PLXDC2: variants seen among roughly 807,000 people sequenced by gnomAD.
PLXDC2 encodes the protein plexin domain containing 2.
A neutral mutation model predicts 68.9 loss-of-function variants in PLXDC2; 40 were observed. The ratio of observed to expected loss-of-function variants is 0.58; its 90% CI spans 0.45 to 0.76. The LOEUF (loss-of-function observed/expected upper bound fraction) is 0.76, where lower values mean the gene tolerates loss of function less well. Ranked by LOEUF, PLXDC2 falls within the 30% of genes least tolerant of loss-of-function variation. PLXDC2 has a pLI of 0.00. For missense variants in PLXDC2, 644 were observed against 661.9 expected (o/e 0.97, Z 0.30); for synonymous variants, 243 against 234.2 (o/e 1.04, Z -0.34).
At chr10:20,205,942 CCTAT>C (rs143930522) in intron 9 of PLXDC2, among the ~76,000 whole-genome samples, 4,787 of 151,860 alleles carry the variant, frequency 0.032, 90 homozygotes, top group Middle Eastern at 0.072. Flanking sequence ...TTTTGCTGTA[CCTAT>C]CTATTATATA....
At chr10:20,172,279 T>C (rs544612298) in intron 7 of PLXDC2, among the ~76,000 whole-genome samples, 58 of 126,018 alleles carry the variant, frequency 4.6e-4, no homozygotes, top group South Asian at 1.1e-3. Context: ...ACTTGGCAAA[T>C]ATATATCATG....
In PLXDC2 at chr10:19,928,537, G is replaced by C. The variant is rs149779211; in HGVS notation, c.113-73238G>C. Among the ~76,000 whole-genome samples, 10 of 152,210 alleles carry C rather than the reference G, an allele frequency of 6.6e-5. No homozygotes were observed. In the East Asian group the frequency reaches 1.9e-3, roughly 29 times the overall value. On this transcript the variant is annotated intron_variant, in intron 1 of 13. Coordinates refer to ENST00000377252, the MANE Select transcript of PLXDC2 (RefSeq NM_032812.9). ...GGTAAGTAAGCAGAATAAATTAAGA[G>C]ACCTATATCCTTTTAATAATATGGG... is the stretch of plus-strand genomic sequence containing the variant.
chr10:20,163,539 C>T (rs1342669800), intron 6 of PLXDC2, among the ~76,000 whole-genome samples: 1 of 151,988 alleles, frequency 6.6e-6, no homozygotes, highest in Non-Finnish European at 1.5e-5. Context: ...TAATGAATTG[C>T]CCACAGATCA....
At chr10:20,226,448 T>C (rs1835288883) in intron 12 of PLXDC2, among the ~76,000 whole-genome samples, 1 of 152,170 alleles carries the variant, frequency 6.6e-6, no homozygotes, top group African/African-American at 2.4e-5. Flanking sequence ...TTGGTAAAGG[T>C]AGTTAGTTAC....
At chr10:20,053,079 T>C (rs1040005014) in intron 3 of PLXDC2, among the ~76,000 whole-genome samples, 2 of 152,160 alleles carry the variant, frequency 1.3e-5, no homozygotes, top group South Asian at 2.1e-4. Context: ...CCATCCACAA[T>C]AATATCTTCT....
intron 3 of PLXDC2, among the ~76,000 whole-genome samples, chr10:20,049,459 C>A (rs1178844971): frequency 6.6e-6 from 1 of 151,994 alleles, no homozygotes; most frequent in African/African-American, 2.4e-5. Flanking sequence ...ATCTAGAGAA[C>A]CCCATAGTCT....
chr10:20,000,063 A>G (rs1831075303), intron 1 of PLXDC2, among the ~76,000 whole-genome samples: 1 of 152,166 alleles, frequency 6.6e-6, no homozygotes, highest in African/African-American at 2.4e-5. Context: ...TTGCTCCAGA[A>G]AGACTGTCAA....
intron 1 of PLXDC2, among the ~76,000 whole-genome samples, chr10:19,937,853 C>A (rs530002627): frequency 6.6e-6 from 1 of 152,128 alleles, no homozygotes; most frequent in Non-Finnish European, 1.5e-5. Context: ...AACGTCCAGT[C>A]CTTGGTCACT....
rs554886669 is a variant in PLXDC2, at chr10:20,168,774, AG to A, written c.883+4208del. Among the ~76,000 whole-genome samples the A allele has an allele frequency of 5.9e-5, 9 of 152,316 alleles. No homozygotes were observed. The South Asian group carries it at 1.9e-3, about 32-fold the overall frequency. On this transcript the variant is annotated intron_variant, in intron 7 of 13. Transcript: ENST00000377252. ...ATATACTTATTATGATTAGAAGCATAGCACATTATAATTCTGAGTAATTTAT... is the reference window on the plus strand; with the variant it reads ...ATATACTTATTATGATTAGAAGCATACACATTATAATTCTGAGTAATTTAT...
rs190328923 is a variant in PLXDC2, at chr10:20,136,615, G to T, written c.542-6680G>T. Among the ~76,000 whole-genome samples the T allele has an allele frequency of 1.4e-4, 21 of 152,160 alleles. No homozygotes were observed. In the East Asian group the frequency reaches 3.9e-3, roughly 28 times the overall value. ...AGGAGGTGGGTCTTCAAATCCTTAT[G>T]GATAAAAGATCATAAATTTCAGATC... On this transcript the variant is annotated intron_variant, in intron 4 of 13. Transcript: ENST00000377252.
intron 1 of PLXDC2, among the ~76,000 whole-genome samples, chr10:19,977,399 A>G (rs1329414700): frequency 1.3e-5 from 2 of 152,186 alleles, no homozygotes; most frequent in Non-Finnish European, 2.9e-5. Flanking sequence ...ACAATCTTCT[A>G]TCCATCTGCT....
At chr10:20,219,664 A>G (rs1835184804) in intron 12 of PLXDC2, among the ~76,000 whole-genome samples, 1 of 152,172 alleles carries the variant, frequency 6.6e-6, no homozygotes, top group African/African-American at 2.4e-5. Context: ...GTTTTACTGA[A>G]AAAATATTGT....
At chr10:19,985,670 G>C (rs527543656) in intron 1 of PLXDC2, among the ~76,000 whole-genome samples, 1 of 152,230 alleles carries the variant, frequency 6.6e-6, no homozygotes, top group African/African-American at 2.4e-5. Context: ...TGTGATAGCC[G>C]GATATCTTCA....
At chr10:19,979,261 C>T (rs1057003906) in intron 1 of PLXDC2, among the ~76,000 whole-genome samples, 3 of 152,096 alleles carry the variant, frequency 2.0e-5, no homozygotes, top group African/African-American at 7.2e-5. Flanking sequence ...AACTTTGTGC[C>T]TCCTGAGCCT....
At chr10:20,136,598 G>A (rs1833936266) in intron 4 of PLXDC2, among the ~76,000 whole-genome samples, 1 of 152,074 alleles carries the variant, frequency 6.6e-6, no homozygotes, top group Non-Finnish European at 1.5e-5. Flanking sequence ...TGAGGAGGTG[G>A]GTCTTCAAAT....
At chr10:20,019,189 G>A (rs1040262133) in intron 2 of PLXDC2, among the ~76,000 whole-genome samples, 2 of 152,034 alleles carry the variant, frequency 1.3e-5, no homozygotes, top group Admixed American at 6.6e-5. Context: ...ACTGTTTTAG[G>A]GGCAAACTTT....
chr10:20,214,762 C>A (rs981932177), intron 10 of PLXDC2, among the ~76,000 whole-genome samples: 1 of 152,106 alleles, frequency 6.6e-6, no homozygotes, highest in African/African-American at 2.4e-5. Flanking sequence ...CAATCTGAGC[C>A]TAGGATTTTA....
intron 4 of PLXDC2, among the ~76,000 whole-genome samples, chr10:20,090,468 AC>A (rs60809009): frequency 0.59 from 89,082 of 151,818 alleles, 27,495 homozygotes; most frequent in East Asian, 1. Context: ...GAGTTTTTTT[AC>A]CCCCATGCCC....
At chr10:19,906,688 G>A (rs1205144405) in intron 1 of PLXDC2, among the ~76,000 whole-genome samples, 1 of 152,132 alleles carries the variant, frequency 6.6e-6, no homozygotes, top group Non-Finnish European at 1.5e-5. Context: ...GGAAGGGGCA[G>A]TTTCTCCTGA....
Sources: gnomAD v4.1 joint callset for allele counts (sites outside exome capture counted in the v4.1 genomes callset) on GRCh38, gnomAD v4.1.1 for gene constraint, MANE v1.5 for transcripts, NCBI Gene and HGNC (gene_info 2026-07-23, HGNC 2026-07-21) for gene names.